Variants in XKR4 observed in about 807,000 individuals in gnomAD.
The protein encoded by XKR4 is XK-related protein 4.
XKR4 carries 12 observed loss-of-function variants against 53.9 expected under a neutral mutation model. That is an observed-to-expected ratio of 0.22 (90% confidence interval 0.14 to 0.36). XKR4 has a LOEUF of 0.36. XKR4 is among the 10% of genes least tolerant of loss of function. The pLI is 1.00. For synonymous variants in XKR4, 354 were observed against 362.4 expected, an observed-to-expected ratio of 0.98 and a Z score of 0.26; for missense variants, 799 against 859.5, an observed-to-expected ratio of 0.93 and a Z score of 0.88.
chr8:55,377,121 A>G (rs1804163470), intron 2 of XKR4, among the ~76,000 whole-genome samples: 1 of 152,170 alleles, frequency 6.6e-6, no homozygotes, highest in African/African-American at 2.4e-5. Context: ...AAAATGAAAG[A>G]AGTCTGCAGG....
chr8:55,166,703 G>A (rs981527105), intron 1 of XKR4, among the ~76,000 whole-genome samples: 20 of 152,194 alleles, frequency 1.3e-4, no homozygotes, highest in African/African-American at 4.8e-4. Flanking sequence ...TATGTGATAT[G>A]TGGGAATATG....
intron 2 of XKR4, among the ~76,000 whole-genome samples, chr8:55,485,657 C>T (rs563604705): frequency 1.1e-4 from 17 of 152,204 alleles, no homozygotes; most frequent in Non-Finnish European, 2.2e-4. Flanking sequence ...CCTTGGCCTC[C>T]GAAAGTGCTG....
chr8:55,348,180 T>A (rs1803675490), intron 1 of XKR4, among the ~76,000 whole-genome samples: 1 of 152,118 alleles, frequency 6.6e-6, no homozygotes, highest in Non-Finnish European at 1.5e-5. Flanking sequence ...CCGGATAACA[T>A]GCCTAGAGAA....
At chr8:55,476,967 C>A (rs1479965848) in intron 2 of XKR4, among the ~76,000 whole-genome samples, 20 of 152,150 alleles carry the variant, frequency 1.3e-4, no homozygotes, top group Admixed American at 1.3e-3. Context: ...CCTCTGGGGG[C>A]AGGGCACAGA....
intron 1 of XKR4, among the ~76,000 whole-genome samples, chr8:55,335,057 T>G (rs1331885778): frequency 2.0e-5 from 3 of 152,178 alleles, no homozygotes; most frequent in African/African-American, 7.2e-5. Context: ...CTATTAACTC[T>G]GGAAAAATTT....
intron 2 of XKR4, among the ~76,000 whole-genome samples, chr8:55,457,826 G>A (rs998725250): frequency 1.2e-4 from 18 of 152,178 alleles, no homozygotes; most frequent in Admixed American, 6.5e-4. Flanking sequence ...TAGGTTTATG[G>A]ATATGTGTGT....
At chr8:55,519,135 C>A (rs867266094) in intron 2 of XKR4, among the ~76,000 whole-genome samples, 6 of 152,292 alleles carry the variant, frequency 3.9e-5, no homozygotes, top group Non-Finnish European at 8.8e-5. Flanking sequence ...AAGTGAGAAT[C>A]AATTTCTTTT....
intron 1 of XKR4, among the ~76,000 whole-genome samples, chr8:55,241,252 A>G (rs1205690078): frequency 1.3e-5 from 2 of 152,188 alleles, no homozygotes; most frequent in Non-Finnish European, 2.9e-5. Context: ...AGCAACTTGT[A>G]TATTCCTGTT....
intron 1 of XKR4, among the ~76,000 whole-genome samples, chr8:55,124,303 C>G (rs1230528276): frequency 1.3e-5 from 2 of 152,198 alleles, no homozygotes. Flanking sequence ...GTGGAACCTT[C>G]TTTAGTAGAG....
At chr8:55,509,726 C>T (rs572894967) in intron 2 of XKR4, among the ~76,000 whole-genome samples, 6 of 152,284 alleles carry the variant, frequency 3.9e-5, no homozygotes, top group East Asian at 3.9e-4. Context: ...GGCTATCACA[C>T]GCCAAGTTTC....
chr8:55,522,927 A>G lies in XKR4; in HGVS notation c.1007-354A>G, dbSNP rs542504890. ...AGACAGATACGAGGATCCCCATCTG[A>G]GTTAAAACCCAAAGAAAATCCTGGC... On this transcript the variant is annotated intron_variant, in intron 2 of 2. Transcript: ENST00000327381. 5.3e-5 allele frequency among the ~76,000 whole-genome samples: 8 copies of G among 152,102 alleles called. No individual in the cohort carries two copies. The South Asian group carries it at 1.2e-3, about 24-fold the overall frequency.
chr8:55,461,738 C>CTA (rs1805661436), intron 2 of XKR4, among the ~76,000 whole-genome samples: 1 of 152,120 alleles, frequency 6.6e-6, no homozygotes, highest in Non-Finnish European at 1.5e-5. Context: ...AAAAATTAGA[C>CTA]GAATGGATAA....
At chr8:55,495,722 C>T (rs776899255) in intron 2 of XKR4, among the ~76,000 whole-genome samples, 8 of 152,178 alleles carry the variant, frequency 5.3e-5, no homozygotes, top group Admixed American at 1.3e-4. Context: ...CACCCAGCTG[C>T]GAGAGGTTGG....
chr8:55,111,087 TG>T (rs1816225049), intron 1 of XKR4, among the ~76,000 whole-genome samples: 1 of 152,134 alleles, frequency 6.6e-6, no homozygotes, highest in Non-Finnish European at 1.5e-5. Flanking sequence ...TCTGTCCTTT[TG>T]GGAATTGGAC....
intron 2 of XKR4, among the ~76,000 whole-genome samples, chr8:55,439,242 G>A (rs1470375215): frequency 6.6e-6 from 1 of 151,938 alleles, no homozygotes; most frequent in Non-Finnish European, 1.5e-5. Context: ...CTCATCAGAA[G>A]CAAACAAATA....
Position 55,153,559 on chromosome 8 carries a change from G to C in XKR4, c.806+50265G>C, listed in dbSNP as rs1361162817. ...AATGATAAAAATAAAATCAATGTGGGACAAGTTGAATCACATGTTTCTTCA... is the reference window on the plus strand; with the variant it reads ...AATGATAAAAATAAAATCAATGTGGCACAAGTTGAATCACATGTTTCTTCA... On this transcript the variant is annotated intron_variant, in intron 1 of 2. Transcript: ENST00000327381. 5.3e-5 allele frequency among the ~76,000 whole-genome samples: 8 copies of C among 152,302 alleles called. No individual in the cohort carries two copies. The East Asian group carries it at 1.5e-3, about 29-fold the overall frequency.
intron 1 of XKR4, among the ~76,000 whole-genome samples, chr8:55,311,478 A>T (rs374626322): frequency 1.3e-5 from 2 of 152,214 alleles, no homozygotes; most frequent in Admixed American, 1.3e-4. Context: ...GTGTAACCAG[A>T]TCAAAGGAGC....
chr8:55,285,671 A>T (rs929632005), intron 1 of XKR4, among the ~76,000 whole-genome samples: 2 of 152,196 alleles, frequency 1.3e-5, no homozygotes, highest in Non-Finnish European at 2.9e-5. Flanking sequence ...CATACTGTAC[A>T]CATTGCTTCC....
intron 1 of XKR4, among the ~76,000 whole-genome samples, chr8:55,342,381 C>A (rs1803566529): frequency 6.6e-6 from 1 of 152,258 alleles, no homozygotes; most frequent in Non-Finnish European, 1.5e-5. Flanking sequence ...TACACTCGCT[C>A]CCCTTCATGC....
Sources: allele counts gnomAD v4.1 joint callset (sites outside exome capture counted in the v4.1 genomes callset), GRCh38; gene constraint gnomAD v4.1.1; transcripts MANE v1.5; gene names NCBI Gene and HGNC (gene_info 2026-07-23, HGNC 2026-07-21).